SGCZ: variants seen among roughly 807,000 people sequenced by gnomAD.
SGCZ encodes zeta-sarcoglycan.
In SGCZ, 40 loss-of-function variants were observed where a neutral mutation model predicts 41.3. That is an observed-to-expected ratio of 0.97 (90% CI 0.75 to 1.26). The LOEUF is 1.26. SGCZ is among the 50% of genes most tolerant of loss of function. SGCZ has a pLI of 0.00. For synonymous variants in SGCZ, 206 were observed against 137.5 expected, an observed-to-expected ratio of 1.50 and a Z score of -3.49; for missense variants, 552 against 369.8, an observed-to-expected ratio of 1.49 and a Z score of -4.04.
At chr8:14,668,498 G>T (rs1807988614) in intron 1 of SGCZ, among the ~76,000 whole-genome samples, 1 of 152,058 alleles carries the variant, frequency 6.6e-6, no homozygotes, top group Non-Finnish European at 1.5e-5. Flanking sequence ...TTTAAAACCT[G>T]AAACTCCACC....
At chr8:14,898,594 G>A (rs923716812) in intron 1 of SGCZ, among the ~76,000 whole-genome samples, 3 of 152,168 alleles carry the variant, frequency 2.0e-5, no homozygotes, top group African/African-American at 4.8e-5. Flanking sequence ...TTGGACTTGG[G>A]TGACAGGAAT....
In SGCZ at chr8:14,168,229, A is replaced by C. The variant is rs191853959; in HGVS notation, c.425-3527T>G. Among the ~76,000 whole-genome samples, 389 of 152,352 alleles carry C rather than the reference A, an allele frequency of 2.6e-3. 1 individual carries two copies. The highest frequency in any genetic ancestry group is 8.8e-3 in the African/African-American group (365 of 41,584). Reference sequence around the variant, plus strand: ...AAATTACCAACTAAATTCTATATTCAGAAATTCCTGGTTTAGAATTGCTGT... The same window carrying C: ...AAATTACCAACTAAATTCTATATTCCGAAATTCCTGGTTTAGAATTGCTGT... On this transcript the variant is annotated intron_variant, in intron 4 of 7. Transcript: ENST00000382080.
Position 14,289,596 on chromosome 8 carries a change from T to C in SGCZ, c.336+34507A>G, listed in dbSNP as rs1193359617. 2.6e-5 allele frequency among the ~76,000 whole-genome samples: 4 copies of C among 152,136 alleles called. No individual in the cohort carries two copies. In the South Asian group the frequency reaches 6.2e-4, roughly 24 times the overall value. On this transcript the variant is annotated intron_variant, in intron 3 of 7. Coordinates refer to ENST00000382080, the MANE Select transcript of SGCZ (RefSeq NM_139167.4). ...GACCATTGGTCTATGTGTCTATTTT[T>C]ATGCCAGTAACATGCTATTTTGGTC...
At chr8:15,113,799 G>C (rs997276395) in intron 1 of SGCZ, among the ~76,000 whole-genome samples, 4 of 152,112 alleles carry the variant, frequency 2.6e-5, no homozygotes, top group African/African-American at 7.2e-5. Context: ...GTCTCTCCCA[G>C]ATTTTCTCAG....
At chr8:14,502,422 T>A (rs1184549040) in intron 2 of SGCZ, among the ~76,000 whole-genome samples, 1 of 152,156 alleles carries the variant, frequency 6.6e-6, no homozygotes, top group Admixed American at 6.5e-5. Flanking sequence ...TAGGGTTATA[T>A]CTACAATACA....
intron 1 of SGCZ, among the ~76,000 whole-genome samples, chr8:14,956,966 AAC>A (rs139282152): frequency 3.3e-5 from 5 of 151,874 alleles, no homozygotes; most frequent in Admixed American, 1.3e-4. Context: ...TACAGACAGA[AAC>A]ACACACACAC....
intron 1 of SGCZ, among the ~76,000 whole-genome samples, chr8:15,076,060 A>T: frequency 6.6e-6 from 1 of 152,224 alleles, no homozygotes; most frequent in East Asian, 1.9e-4. Flanking sequence ...AGATACTTAA[A>T]ATATGAAGCC....
At chr8:14,351,868 A>G (rs1803110673) in intron 2 of SGCZ, among the ~76,000 whole-genome samples, 1 of 152,092 alleles carries the variant, frequency 6.6e-6, no homozygotes, top group Non-Finnish European at 1.5e-5. Context: ...TTTTAAGTAG[A>G]TAAAGCTGGA....
At chr8:14,260,246 A>T in intron 3 of SGCZ, among the ~76,000 whole-genome samples, 1 of 152,074 alleles carries the variant, frequency 6.6e-6, no homozygotes. Context: ...AAACAAATTT[A>T]CAAGCAAAAA....
intron 1 of SGCZ, among the ~76,000 whole-genome samples, chr8:14,845,299 C>T (rs889117132): frequency 6.6e-6 from 1 of 152,066 alleles, no homozygotes; most frequent in Non-Finnish European, 1.5e-5. Flanking sequence ...GAGTACTGCT[C>T]CAGACATGCC....
At chr8:14,329,690 T>C (rs1217225774) in intron 2 of SGCZ, among the ~76,000 whole-genome samples, 1 of 152,190 alleles carries the variant, frequency 6.6e-6, no homozygotes, top group South Asian at 2.1e-4. Flanking sequence ...ACTGTGATCA[T>C]CATATTCTTG....
intron 2 of SGCZ, among the ~76,000 whole-genome samples, chr8:14,442,499 T>C (rs1423731887): frequency 1.3e-5 from 2 of 152,182 alleles, no homozygotes; most frequent in African/African-American, 4.8e-5. Flanking sequence ...AACAAACTAA[T>C]ACACCCTTCT....
chr8:15,195,890 ATTTTTTT>A (rs10548247), intron 1 of SGCZ, among the ~76,000 whole-genome samples: 1 of 73,150 alleles, frequency 1.4e-5, no homozygotes, highest in Admixed American at 1.8e-4. Context: ...TTAGGCTTCG[ATTTTTTT>A]TTTTTTTTTT....
intron 1 of SGCZ, among the ~76,000 whole-genome samples, chr8:14,557,780 C>G (rs1370083555): frequency 1.3e-5 from 2 of 151,820 alleles, no homozygotes; most frequent in Non-Finnish European, 2.9e-5. Context: ...AAAACCAAAC[C>G]CAAACCCAGC....
chr8:14,184,683 G>C (rs1804846684), intron 4 of SGCZ, among the ~76,000 whole-genome samples: 1 of 152,164 alleles, frequency 6.6e-6, no homozygotes, highest in Admixed American at 6.6e-5. Context: ...ATCTAGCATA[G>C]TTTTGGACTA....
chr8:14,810,746 T>A (rs1801713951), intron 1 of SGCZ, among the ~76,000 whole-genome samples: 1 of 152,036 alleles, frequency 6.6e-6, no homozygotes, highest in African/African-American at 2.4e-5. Flanking sequence ...TGATAGTATT[T>A]TCACAACAGA....
At chr8:14,647,967 C>A (rs1332862905) in intron 1 of SGCZ, among the ~76,000 whole-genome samples, 1 of 151,958 alleles carries the variant, frequency 6.6e-6, no homozygotes, top group Non-Finnish European at 1.5e-5. Context: ...AACACCCAGG[C>A]ACCAGAAGCA....
At chr8:14,654,333 C>T (rs1585157258) in intron 1 of SGCZ, among the ~76,000 whole-genome samples, 1 of 151,970 alleles carries the variant, frequency 6.6e-6, no homozygotes, top group Non-Finnish European at 1.5e-5. Context: ...CTACCTTGAG[C>T]AATTTCATCC....
intron 1 of SGCZ, among the ~76,000 whole-genome samples, chr8:14,974,568 C>T (rs1030541391): frequency 3.3e-5 from 5 of 152,176 alleles, no homozygotes; most frequent in Non-Finnish European, 7.3e-5. Context: ...CAGACCACAA[C>T]CCACACCAAT....
Sources: allele counts gnomAD v4.1 joint callset (sites outside exome capture counted in the v4.1 genomes callset), GRCh38; gene constraint gnomAD v4.1.1; transcripts MANE v1.5; gene names NCBI Gene and HGNC (gene_info 2026-07-23, HGNC 2026-07-21).